ERC1: variants seen among roughly 807,000 people sequenced by gnomAD.
The protein encoded by ERC1 is RAB6 interacting protein 2.
A neutral mutation model predicts 132.0 loss-of-function variants in ERC1; 56 were observed. The observed-to-expected ratio is 0.42, with a 90% CI of 0.34 to 0.53. The LOEUF is 0.53. Ranked by LOEUF, ERC1 falls within the 20% of genes least tolerant of loss-of-function variation. The pLI, the probability that ERC1 is intolerant of heterozygous loss-of-function variation, is 0.03. For missense variants in ERC1, 1,202 were observed against 1,349.9 expected (o/e 0.89, Z 1.72); for synonymous variants, 478 against 476.1 (o/e 1.00, Z -0.05).
intron 12 of ERC1, among the ~76,000 whole-genome samples, chr12:1,197,129 C>T (rs1387067039): frequency 6.6e-6 from 1 of 151,688 alleles, no homozygotes; most frequent in Non-Finnish European, 1.5e-5. Context: ...TACAGGCATA[C>T]ACCACCATGC....
chr12:1,116,538 C>T (rs576549213), intron 7 of ERC1, among the ~76,000 whole-genome samples: 40 of 151,658 alleles, frequency 2.6e-4, no homozygotes, highest in African/African-American at 9.7e-4. Flanking sequence ...TCTTCATATC[C>T]TGTTTGAAAA....
chr12:1,384,363 C>T (rs2154379665), intron 16 of ERC1, among the ~76,000 whole-genome samples: 1 of 152,234 alleles, frequency 6.6e-6, no homozygotes, highest in South Asian at 2.1e-4. Context: ...AAATGATAAG[C>T]TGATTTTTAA....
intron 1 of ERC1, among the ~76,000 whole-genome samples, chr12:994,202 A>G (rs1482631804): frequency 6.6e-6 from 1 of 152,168 alleles, no homozygotes; most frequent in African/African-American, 2.4e-5. Flanking sequence ...AGAAACATTA[A>G]TGGAAAAAGA....
chr12:1,484,558 T>A (rs2094168302), intron 18 of ERC1, among the ~76,000 whole-genome samples: 2 of 151,550 alleles, frequency 1.3e-5, no homozygotes, highest in South Asian at 4.2e-4. Context: ...TCTTGTTCGT[T>A]TGTTTGTTTT....
At chr12:1,158,611 T>C (rs969163066) in intron 8 of ERC1, among the ~76,000 whole-genome samples, 9 of 150,742 alleles carry the variant, frequency 6.0e-5, no homozygotes, top group Middle Eastern at 3.4e-3. Flanking sequence ...TCTTTTCTTT[T>C]TTTTTTTTTT....
chr12:1,427,373 CAG>C (rs2092672914), intron 17 of ERC1, among the ~76,000 whole-genome samples: 1 of 152,152 alleles, frequency 6.6e-6, no homozygotes, highest in Admixed American at 6.5e-5. Flanking sequence ...ACTTGGAAAA[CAG>C]AAAAGAAAAA....
At chr12:1,127,879 T>A (rs1450221379) in intron 7 of ERC1, among the ~76,000 whole-genome samples, 1 of 152,158 alleles carries the variant, frequency 6.6e-6, no homozygotes, top group Non-Finnish European at 1.5e-5. Context: ...ACCTTGGTCC[T>A]AAGTGAGATA....
In ERC1 at chr12:1,482,939, C is replaced by T. The variant is rs945332014; in HGVS notation, c.3214-7154C>T. 9.2e-5 allele frequency among the ~76,000 whole-genome samples: 14 copies of T among 152,136 alleles called. 1 individual carries two copies. Among genetic ancestry groups the T allele is most frequent in the African/African-American group, 3.4e-4 (14 of 41,426 alleles). On this transcript the variant is annotated intron_variant, in intron 18 of 18. Coordinates refer to ENST00000360905, the MANE Select transcript of ERC1 (RefSeq NM_178040.4). ...CACTGCCAATCACCCCATCCTACCC[C>T]AGCCCCAAGCAGCTGCCACTCTTAC...
chr12:1,014,907 G>A (rs944415882), intron 1 of ERC1, among the ~76,000 whole-genome samples: 7 of 151,498 alleles, frequency 4.6e-5, no homozygotes, highest in African/African-American at 9.7e-5. Flanking sequence ...GGGATCACAG[G>A]TGTGCGCCAC....
At chr12:1,363,241 C>T (rs1032458099) in intron 15 of ERC1, among the ~76,000 whole-genome samples, 3 of 152,058 alleles carry the variant, frequency 2.0e-5, no homozygotes, top group Admixed American at 1.3e-4. Flanking sequence ...GTTTTTTGCC[C>T]ATCTGAGAAG....
At chr12:1,043,757 T>C (rs564771786) in intron 2 of ERC1, among the ~76,000 whole-genome samples, 1 of 152,336 alleles carries the variant, frequency 6.6e-6, no homozygotes, top group East Asian at 1.9e-4. Context: ...ACGAAGTTGA[T>C]AGAAGATTAT....
chr12:1,153,072 T>A (rs1243145225), intron 8 of ERC1: 1 of 152,254 alleles, frequency 6.6e-6, no homozygotes, highest in Non-Finnish European at 1.5e-5. Flanking sequence ...TCTAGGGAGC[T>A]TTCTCTTCCA....
At chr12:1,002,160 C>CTTTTTTTTT (rs71055117) in intron 1 of ERC1, among the ~76,000 whole-genome samples, 20 of 38,482 alleles carry the variant, frequency 5.2e-4, no homozygotes, top group African/African-American at 5.5e-4. Context: ...CCATGCCCGG[C>CTTTTTTTTT]TTTTTTTTTT....
intron 8 of ERC1, among the ~76,000 whole-genome samples, chr12:1,167,018 G>C (rs576986733): frequency 2.6e-4 from 40 of 152,244 alleles, no homozygotes; most frequent in African/African-American, 9.1e-4. Context: ...TATCTGTGTC[G>C]TTTCTCATCT....
At chr12:1,204,108 T>C (rs1410280552) in intron 12 of ERC1, 1 of 169,382 alleles carries the variant, frequency 5.9e-6, no homozygotes, top group Non-Finnish European at 1.3e-5. Flanking sequence ...TGGGTGTCTA[T>C]AAAACTAAGC....
At chr12:1,401,127 G>T (rs946042615) in intron 16 of ERC1, among the ~76,000 whole-genome samples, 1 of 149,442 alleles carries the variant, frequency 6.7e-6, no homozygotes, top group Non-Finnish European at 1.5e-5. Context: ...AGTAGAGACG[G>T]GGTTTCACGT....
At chr12:1,408,279 A>G in intron 17 of ERC1, 32 bp downstream of exon 17, 6 of 1,498,162 alleles carry the variant, frequency 4.0e-6, no homozygotes, top group Non-Finnish European at 5.5e-6. Flanking sequence ...TTATTAAAAA[A>G]CCCACACACT....
chr12:1,438,954 A>AAAAAATATATATATATATATAT (rs1015181197), intron 17 of ERC1, among the ~76,000 whole-genome samples: 11 of 143,488 alleles, frequency 7.7e-5, no homozygotes, highest in African/African-American at 2.9e-4. Flanking sequence ...TTTAAAAAAA[A>AAAAAATATATATATATATATAT]ATATATATAT....
chr12:1,358,121 T>G (rs1275678677), intron 15 of ERC1, among the ~76,000 whole-genome samples: 1 of 151,686 alleles, frequency 6.6e-6, no homozygotes, highest in African/African-American at 2.4e-5. Flanking sequence ...GAGGATGGCT[T>G]GAGCCCAGCA....
Sources: gnomAD v4.1 joint callset for allele counts (sites outside exome capture counted in the v4.1 genomes callset) on GRCh38, gnomAD v4.1.1 for gene constraint, MANE v1.5 for transcripts, NCBI Gene and HGNC (gene_info 2026-07-23, HGNC 2026-07-21) for gene names.